MAGI2: variants seen among roughly 807,000 people sequenced by gnomAD.
The protein encoded by MAGI2 is membrane-associated guanylate kinase, WW and PDZ domain-containing protein 2.
In MAGI2, 35 loss-of-function variants were observed where a neutral mutation model predicts 133.3. The observed-to-expected ratio is 0.26, with a 90% CI of 0.20 to 0.35. The LOEUF is 0.35. Among genes scored for constraint, MAGI2 ranks in the 10% least tolerant of loss-of-function variants. The pLI is 1.00. For missense variants in MAGI2, 1,636 were observed against 1,863.4 expected (o/e 0.88, Z 2.25); for synonymous variants, 729 against 710.6 (o/e 1.03, Z -0.41).
chr7:78,189,118 C>G (rs529493390), intron 12 of MAGI2, among the ~76,000 whole-genome samples: 121 of 152,264 alleles, frequency 7.9e-4, no homozygotes, highest in African/African-American at 2.7e-3. Flanking sequence ...AGCAGAAAAC[C>G]TGGTAGTTTA....
intron 9 of MAGI2, among the ~76,000 whole-genome samples, chr7:78,326,766 T>C (rs1788629570): frequency 6.6e-6 from 1 of 152,220 alleles, no homozygotes; most frequent in African/African-American, 2.4e-5. Context: ...TTTGCTATAA[T>C]ATATTCAGTC....
chr7:78,231,566 G>A (rs7796302), intron 10 of MAGI2, among the ~76,000 whole-genome samples: 47,162 of 152,076 alleles, frequency 0.31, 8,554 homozygotes, highest in Non-Finnish European at 0.4. Flanking sequence ...ACTTCTATGC[G>A]TCCCTAAAGG....
At chr7:78,051,282 G>C (rs1811976069) in intron 21 of MAGI2, among the ~76,000 whole-genome samples, 1 of 152,178 alleles carries the variant, frequency 6.6e-6, no homozygotes, top group African/African-American at 2.4e-5. Flanking sequence ...TGCTGGAGAG[G>C]GCCGATGATT....
intron 1 of MAGI2, among the ~76,000 whole-genome samples, chr7:79,391,196 T>C (rs1381271133): frequency 6.6e-6 from 1 of 152,110 alleles, no homozygotes; most frequent in Non-Finnish European, 1.5e-5. Context: ...ATGTCTCAGA[T>C]ACTTTGGAAA....
intron 1 of MAGI2, among the ~76,000 whole-genome samples, chr7:79,075,299 C>T (rs927760435): frequency 6.6e-6 from 1 of 152,092 alleles, no homozygotes; most frequent in Non-Finnish European, 1.5e-5. Flanking sequence ...TGATTTGTCT[C>T]CCAGGATGAA....
At position 79,218,341 on chromosome 7, in the gene MAGI2, G is replaced by A. The variant is rs568956022; in HGVS notation, c.302-211135C>T. ...TTTGACAAATATTTGGCACCTGCAC[G>A]TATTACATAACATTGAGAATAAATC... On this transcript the variant is annotated intron_variant, in intron 1 of 21. Transcript: ENST00000354212. 5.3e-5 allele frequency among the ~76,000 whole-genome samples: 8 copies of A among 152,130 alleles called. No individual in the cohort carries two copies. The East Asian group carries it at 1.2e-3, about 22-fold the overall frequency.
intron 1 of MAGI2, among the ~76,000 whole-genome samples, chr7:79,171,488 C>T (rs1335283158): frequency 6.6e-6 from 1 of 151,544 alleles, no homozygotes; most frequent in East Asian, 2.0e-4. Flanking sequence ...GGGAGGATGA[C>T]ATAATTTGAT....
intron 10 of MAGI2, among the ~76,000 whole-genome samples, chr7:78,229,876 T>C (rs1239531023): frequency 6.6e-6 from 1 of 152,064 alleles, no homozygotes; most frequent in Non-Finnish European, 1.5e-5. Context: ...CAGACACAGA[T>C]TCGGAGGATC....
chr7:79,005,223 A>G (rs1807316528), intron 2 of MAGI2, among the ~76,000 whole-genome samples: 1 of 152,194 alleles, frequency 6.6e-6, no homozygotes. Context: ...AAACTTCATT[A>G]GTCAATAATG....
intron 6 of MAGI2, among the ~76,000 whole-genome samples, chr7:78,481,440 G>C (rs1792364019): frequency 6.6e-6 from 1 of 151,918 alleles, no homozygotes; most frequent in Non-Finnish European, 1.5e-5. Context: ...CTTGACACAT[G>C]GGAATTACAG....
chr7:78,106,546 C>CATTT (rs2151259482), intron 20 of MAGI2, among the ~76,000 whole-genome samples: 1 of 152,168 alleles, frequency 6.6e-6, no homozygotes, highest in Non-Finnish European at 1.5e-5. Context: ...GGATAAAAGC[C>CATTT]ATTTAACTGG....
chr7:79,100,877 T>C (rs1220546118), intron 1 of MAGI2, among the ~76,000 whole-genome samples: 1 of 151,998 alleles, frequency 6.6e-6, no homozygotes, highest in African/African-American at 2.4e-5. Context: ...TCTACCTTTA[T>C]TTCATTAAAA....
intron 6 of MAGI2, among the ~76,000 whole-genome samples, chr7:78,436,574 A>G (rs1249762044): frequency 6.6e-6 from 1 of 152,144 alleles, no homozygotes; most frequent in Non-Finnish European, 1.5e-5. Flanking sequence ...CAAACAAACA[A>G]AAACCTAGAA....
At chr7:79,099,625 C>G (rs1401375931) in intron 1 of MAGI2, among the ~76,000 whole-genome samples, 1 of 152,068 alleles carries the variant, frequency 6.6e-6, no homozygotes, top group Non-Finnish European at 1.5e-5. Context: ...TCACCCTCCT[C>G]TCTCCCTTCA....
chr7:78,667,589 G>A (rs1348977694), intron 2 of MAGI2, among the ~76,000 whole-genome samples: 4 of 137,664 alleles, frequency 2.9e-5, no homozygotes, highest in African/African-American at 1.1e-4. Flanking sequence ...CCCTTCCTGT[G>A]TCCATGTGTT....
chr7:78,391,776 C>T (rs548525407), intron 6 of MAGI2, among the ~76,000 whole-genome samples: 12 of 152,294 alleles, frequency 7.9e-5, no homozygotes, highest in Admixed American at 5.9e-4. Flanking sequence ...AAAGATGACA[C>T]TATTGGCATC....
At chr7:78,682,922 TTG>T (rs145754028) in intron 2 of MAGI2, among the ~76,000 whole-genome samples, 225 of 152,348 alleles carry the variant, frequency 1.5e-3, no homozygotes, top group African/African-American at 5.2e-3. Context: ...TTTTGCTTTA[TTG>T]TGTGTTAAAT....
rs977246660 is a variant in MAGI2 at position 78,528,934 on chromosome 7, G to C, written c.539-7289C>G. On this transcript the variant is annotated intron_variant, in intron 3 of 21. Coordinates refer to ENST00000354212, the MANE Select transcript of MAGI2 (RefSeq NM_012301.4). ...ATTTCTGAATTTTTAGAAATTCAGT[G>C]TTTAAGTGACTTTCAGGAAGTCCAC... Among the ~76,000 whole-genome samples the C allele has an allele frequency of 5.3e-5, 8 of 151,364 alleles. 1 individual carries two copies. The highest frequency in any genetic ancestry group is 4.6e-4 in the Admixed American group (7 of 15,202).
intron 15 of MAGI2, among the ~76,000 whole-genome samples, chr7:78,163,096 A>C (rs1825245473): frequency 6.6e-6 from 1 of 152,142 alleles, no homozygotes; most frequent in African/African-American, 2.4e-5. Context: ...GAATTCAATC[A>C]CTTAGTATCT....
Sources: gnomAD v4.1 joint callset for allele counts (sites outside exome capture counted in the v4.1 genomes callset) on GRCh38, gnomAD v4.1.1 for gene constraint, MANE v1.5 for transcripts, NCBI Gene and HGNC (gene_info 2026-07-23, HGNC 2026-07-21) for gene names.